The following FSD1L variants were observed in gnomAD, a reference collection of about 807,000 sequenced individuals.
The protein encoded by FSD1L is FSD1-like protein.
Under a neutral mutation model 71.6 loss-of-function variants are expected in FSD1L, and 45 were observed. That is an observed-to-expected ratio of 0.63 (90% CI 0.49 to 0.81). The LOEUF (loss-of-function observed/expected upper bound fraction) is 0.81, where lower values mean the gene tolerates loss of function less well. Among genes scored for constraint, FSD1L ranks in the 30% least tolerant of loss-of-function variants. FSD1L has a pLI of 0.00. For missense variants in FSD1L, 561 were observed against 618.1 expected, an observed-to-expected ratio of 0.91 and a Z score of 0.98; for synonymous variants, 197 against 207.2, an observed-to-expected ratio of 0.95 and a Z score of 0.42.
intron 7 of FSD1L, among the ~76,000 whole-genome samples, chr9:105,487,557 T>G (rs1588988259): frequency 1.3e-5 from 2 of 152,260 alleles, no homozygotes; most frequent in Non-Finnish European, 2.9e-5. Flanking sequence ...TCCCTATTTA[T>G]GAATTTTGTC....
intron 10 of FSD1L, chr9:105,521,029 A>ATG: frequency 6.2e-7 from 1 of 1,612,384 alleles, no homozygotes; most frequent in Non-Finnish European, 8.5e-7. Context: ...ATCTGTAAGG[A>ATG]AAACAGTTTA....
In FSD1L at chr9:105,542,036, G is replaced by T. The variant is rs561119556; in HGVS notation, c.1467+2685G>T. On this transcript the variant is annotated intron_variant, in intron 13 of 13. Coordinates refer to ENST00000481272, the MANE Select transcript of FSD1L (RefSeq NM_001145313.3). ...TTCATTCACCAGTTGAAAGACACTTGGGTTTTTCCCAGTTTGGGGCAGTTA... is the reference window on the plus strand; with the variant it reads ...TTCATTCACCAGTTGAAAGACACTTTGGTTTTTCCCAGTTTGGGGCAGTTA... Among the ~76,000 whole-genome samples the T allele has an allele frequency of 1.8e-4, 28 of 152,240 alleles. No homozygotes were observed. The South Asian group carries it at 4.4e-3, about 24-fold the overall frequency.
rs572609530 is a variant in FSD1L at position 105,523,874 on chromosome 9, C to T, written c.1026-10619C>T. 75 of 1,593,642 alleles carry T rather than the reference C, an allele frequency of 4.7e-5. 1 individual carries two copies. In the South Asian group the frequency reaches 7.4e-4, roughly 16 times the overall value. The stretch of plus-strand genomic sequence containing the variant: ...TTTTTTCACTTGGTTTGCCTGGTGC[C>T]ACAATGCTTATTATGGATTTTATTG... On this transcript the variant is annotated intron_variant, in intron 10 of 13. Transcript: ENST00000481272.
At chr9:105,486,484 A>T (rs1188406725) in intron 7 of FSD1L, among the ~76,000 whole-genome samples, 1 of 152,094 alleles carries the variant, frequency 6.6e-6, no homozygotes, top group Non-Finnish European at 1.5e-5. Flanking sequence ...CTCTTGGGAG[A>T]TAGGGACTTA....
chr9:105,465,820 G>A lies in FSD1L; in HGVS notation c.207+1489G>A, dbSNP rs551603518. Among the ~76,000 whole-genome samples, 4 of 151,772 alleles carry A rather than the reference G, an allele frequency of 2.6e-5. No individual in the cohort carries two copies. The South Asian group carries it at 8.3e-4, about 32-fold the overall frequency. ...GCTACCATCTTATCAAAGGTGAGAA[G>A]TCAAAAGCTTTTTCTGTAAAGTCAG... On this transcript the variant is annotated intron_variant, in intron 3 of 13. Transcript: ENST00000481272.
At chr9:105,452,358 A>G (rs1383098577) in intron 1 of FSD1L, among the ~76,000 whole-genome samples, 1 of 152,218 alleles carries the variant, frequency 6.6e-6, no homozygotes, top group African/African-American at 2.4e-5. Context: ...GGACTGTCAC[A>G]ACAGTTCTTA....
At chr9:105,454,469 T>C (rs1168094382) in intron 1 of FSD1L, among the ~76,000 whole-genome samples, 1 of 152,248 alleles carries the variant, frequency 6.6e-6, no homozygotes. Flanking sequence ...AGAAATGGAA[T>C]TACTGAGTCA....
chr9:105,451,156 T>A lies in FSD1L; in HGVS notation c.15+2921T>A, dbSNP rs181455998. ...TTGTATTTTTAGTAGAGACGGGGTT[T>A]CATCATGTTAGCCAGGATGGTCTCT... On this transcript the variant is annotated intron_variant, in intron 1 of 13. Coordinates refer to ENST00000481272, the MANE Select transcript of FSD1L (RefSeq NM_001145313.3). 3.2e-4 allele frequency among the ~76,000 whole-genome samples: 49 copies of A among 152,190 alleles called. 1 individual carries two copies. In the East Asian group the frequency reaches 8.1e-3, roughly 25 times the overall value.
chr9:105,545,196 A>G (rs1464712188), intron 13 of FSD1L, among the ~76,000 whole-genome samples: 5 of 148,366 alleles, frequency 3.4e-5, no homozygotes, highest in Non-Finnish European at 7.4e-5. Context: ...GCAATTGTGA[A>G]TGGGAGTTCA....
chr9:105,535,518 G>A (rs1396250389), intron 12 of FSD1L, among the ~76,000 whole-genome samples, 200 bp downstream of exon 12: 2 of 151,998 alleles, frequency 1.3e-5, no homozygotes, highest in African/African-American at 4.8e-5. Flanking sequence ...CCCTATAAAA[G>A]CACTCATTTA....
chr9:105,548,857 A>G lies in FSD1L; in HGVS notation c.*2374A>G, dbSNP rs1564162917. 1 of 152,046 alleles carries G rather than the reference A, an allele frequency of 6.6e-6. No homozygotes were observed. Among genetic ancestry groups the G allele is most frequent in the Non-Finnish European group, 1.5e-5 (1 of 67,974 alleles). 9.4% of individuals were successfully genotyped at this position (152,046 alleles called of 1,614,324 possible). ...TTCTTAAAGGTCTCTAAAATTAAAG[A>G]ACAAGATGTGGTTTTTTGTTTAAGA... On this transcript the variant is annotated 3_prime_UTR_variant, in exon 14 of 14. Coordinates refer to ENST00000481272, the MANE Select transcript of FSD1L (RefSeq NM_001145313.3).
At chr9:105,533,387 G>A (rs1189499598) in intron 10 of FSD1L, among the ~76,000 whole-genome samples, 1 of 113,156 alleles carries the variant, frequency 8.8e-6, no homozygotes, top group Non-Finnish European at 1.8e-5. Flanking sequence ...ATTATCCTGT[G>A]CAAGGATTTG....
chr9:105,523,659 A>G lies in FSD1L; in HGVS notation c.1025+10723A>G, dbSNP rs959577837. ...TACACCTTGGCTTTTTAAGGCAACC[A>G]TGTTGACTGATAAATATAAACAAGG... On this transcript the variant is annotated intron_variant, in intron 10 of 13. Transcript: ENST00000481272. 25 of 1,602,458 alleles carry G rather than the reference A, an allele frequency of 1.6e-5. No individual in the cohort carries two copies. In the African/African-American group the frequency reaches 1.9e-4, roughly 12 times the overall value.
intron 1 of FSD1L, among the ~76,000 whole-genome samples, chr9:105,457,998 A>G (rs539912154): frequency 3.3e-5 from 5 of 152,322 alleles, no homozygotes; most frequent in African/African-American, 1.2e-4. Context: ...CAGAGCCCCA[A>G]GGGGTCGGGG....
At chr9:105,452,624 C>T (rs1050389371) in intron 1 of FSD1L, among the ~76,000 whole-genome samples, 13 of 136,288 alleles carry the variant, frequency 9.5e-5, no homozygotes, top group African/African-American at 3.8e-4. Flanking sequence ...TGTGGGCGCT[C>T]GCTCGCCTGC....
chr9:105,456,232 A>T (rs1232400049), intron 1 of FSD1L, among the ~76,000 whole-genome samples: 1 of 152,198 alleles, frequency 6.6e-6, no homozygotes, highest in African/African-American at 2.4e-5. Context: ...TAGACTTAGG[A>T]ATCAAACTGT....
Position 105,483,445 on chromosome 9 carries a change from A to T in FSD1L, c.465-936A>T, listed in dbSNP as rs80348003. Among the ~76,000 whole-genome samples, 1,264 of 152,156 alleles carry T rather than the reference A, an allele frequency of 8.3e-3. 19 individuals carry two copies. Among genetic ancestry groups the T allele is most frequent in the African/African-American group, 0.029 (1,208 of 41,526 alleles). ...CCAGCTCTGTTTCCTTCCCCTTCCA[A>T]ATTGTGTACTAGGAGGACAGTGTTC... is the stretch of plus-strand genomic sequence containing the variant. On this transcript the variant is annotated intron_variant, in intron 6 of 13. Transcript: ENST00000481272.
intron 7 of FSD1L, 25 bp from the exon 8 acceptor site, chr9:105,506,374 T>C: frequency 1.4e-6 from 2 of 1,407,852 alleles, no homozygotes; most frequent in Non-Finnish European, 1.9e-6. Context: ...AATGAATGAG[T>C]CTTTTTTTTT....
intron 1 of FSD1L, among the ~76,000 whole-genome samples, 160 bp from the exon 2 acceptor site, chr9:105,461,357 CAAA>C (rs916700628): frequency 6.8e-6 from 1 of 147,526 alleles, no homozygotes; most frequent in African/African-American, 2.5e-5. Context: ...CACTCCGTAC[CAAA>C]AAAAAAGAAA....
Sources: gnomAD v4.1 joint callset for allele counts (sites outside exome capture counted in the v4.1 genomes callset) on GRCh38, gnomAD v4.1.1 for gene constraint, MANE v1.5 for transcripts, NCBI Gene and HGNC (gene_info 2026-07-23, HGNC 2026-07-21) for gene names.